Variants in GALNT7 observed in about 807,000 individuals in gnomAD.
GALNT7 encodes the protein N-acetylgalactosaminyltransferase 7.
Under a neutral mutation model 82.1 loss-of-function variants are expected in GALNT7, and 60 were observed. The ratio of observed to expected loss-of-function variants is 0.73; its 90% CI spans 0.59 to 0.91. The LOEUF is 0.91. Ranked by LOEUF, GALNT7 falls within the 40% of genes least tolerant of loss-of-function variation. The probability of loss-of-function intolerance (pLI) is 0.00; values close to 1 mark genes in which losing one functional copy is unlikely to be tolerated. For missense variants in GALNT7, 660 were observed against 804.2 expected (o/e 0.82, Z 2.17); for synonymous variants, 243 against 275.1 (o/e 0.88, Z 1.15).
chr4:173,317,807 T>A, intron 10 of GALNT7, 75 bp downstream of exon 10: 1 of 912,688 alleles, frequency 1.1e-6, no homozygotes, highest in Non-Finnish European at 1.8e-6. Context: ...AGAGTGATCT[T>A]TGTACTTTGG....
chr4:173,302,001 T>G lies in GALNT7; in HGVS notation c.1149-46T>G. On this transcript the variant is annotated intron_variant, in intron 6 of 11. Transcript: ENST00000265000. This position sits in a 1 kb window ranked among gnomAD's most constrained non-coding sequence, Gnocchi z 4.2. ...CTTCTTGCCTATTGGTGAAGGGTTA[T>G]TGGGGGTTTGTCTGTAATGGTTATT... is the stretch of plus-strand genomic sequence containing the variant. The G allele has an allele frequency of 3.4e-6, 3 of 876,426 alleles. No individual in the cohort carries two copies. The highest frequency in any genetic ancestry group is 1.7e-5 in the African/African-American group (1 of 60,190). The allele number at this position is 876,426 out of a possible 1,614,324, so 54.3% of individuals were successfully genotyped here.
At chr4:173,314,590 A>T (rs1737524554) in intron 9 of GALNT7, among the ~76,000 whole-genome samples, 2 of 152,210 alleles carry the variant, frequency 1.3e-5, no homozygotes, top group Non-Finnish European at 2.9e-5. Flanking sequence ...ACAACACCCA[A>T]AATCACCTAT....
chr4:173,260,259 A>T (rs1426047672), intron 2 of GALNT7, among the ~76,000 whole-genome samples: 1 of 152,214 alleles, frequency 6.6e-6, no homozygotes, highest in Non-Finnish European at 1.5e-5. Flanking sequence ...AAGGAAAAAA[A>T]TTTAAGCTTT....
intron 1 of GALNT7, among the ~76,000 whole-genome samples, chr4:173,180,831 A>G (rs972423708): frequency 6.6e-6 from 1 of 152,140 alleles, no homozygotes; most frequent in African/African-American, 2.4e-5. Flanking sequence ...TGCAATTTTT[A>G]TTAGACAATT....
rs1245773524 is a variant in GALNT7, at chr4:173,322,606, A to G, written c.*889A>G. 6.6e-6 allele frequency: 1 copy of G among 152,200 alleles called. No individual in the cohort carries two copies. Among genetic ancestry groups the G allele is most frequent in the Non-Finnish European group, 1.5e-5 (1 of 68,034 alleles). The allele number at this position is 152,200 out of a possible 1,614,324, so 9.4% of individuals were successfully genotyped here. A position where few individuals can be genotyped will look rare whatever the true frequency, so the allele number is the denominator to read the frequency against. On this transcript the variant is annotated 3_prime_UTR_variant, in exon 12 of 12. Transcript: ENST00000265000. Reference sequence around the variant, plus strand: ...ATTTACTTTTCTCCAATACCTGCCAATACAGAAAACTATTATCAGTTGTTA... The same window carrying G: ...ATTTACTTTTCTCCAATACCTGCCAGTACAGAAAACTATTATCAGTTGTTA...
At chr4:173,219,493 T>C (rs1733574762) in intron 1 of GALNT7, among the ~76,000 whole-genome samples, 1 of 152,230 alleles carries the variant, frequency 6.6e-6, no homozygotes, top group Non-Finnish European at 1.5e-5. Context: ...CTTCTTTTCC[T>C]CTGGGTACAT....
intron 2 of GALNT7, among the ~76,000 whole-genome samples, chr4:173,286,646 C>CT (rs1431254837): frequency 6.6e-6 from 1 of 152,176 alleles, no homozygotes; most frequent in Non-Finnish European, 1.5e-5. Context: ...GGGGTTGATG[C>CT]TTTAAGTAAG....
chr4:173,312,592 A>G (rs1737426976), intron 8 of GALNT7, among the ~76,000 whole-genome samples: 1 of 152,224 alleles, frequency 6.6e-6, no homozygotes, highest in Non-Finnish European at 1.5e-5. Context: ...ACATTTCAAC[A>G]TGAATGTTGG....
At chr4:173,318,766 T>C (rs1737697073) in intron 11 of GALNT7, 1 of 422,896 alleles carries the variant, frequency 2.4e-6, no homozygotes, top group Non-Finnish European at 4.2e-6. Context: ...TCTTACAATA[T>C]TGTCATGTAA....
chr4:173,256,276 C>T (rs1579960021), intron 2 of GALNT7, among the ~76,000 whole-genome samples: 1 of 152,242 alleles, frequency 6.6e-6, no homozygotes, highest in African/African-American at 2.4e-5. Flanking sequence ...ATGAAGAAGG[C>T]CATCCTTGGA....
chr4:173,215,700 A>G (rs1733423366), intron 1 of GALNT7, among the ~76,000 whole-genome samples: 2 of 152,216 alleles, frequency 1.3e-5, no homozygotes, highest in Admixed American at 1.3e-4. Flanking sequence ...CATTCTGACA[A>G]TAGAACCATA....
intron 1 of GALNT7, among the ~76,000 whole-genome samples, chr4:173,221,949 G>T (rs1733657291): frequency 6.6e-6 from 1 of 152,144 alleles, no homozygotes; most frequent in Admixed American, 6.5e-5. Context: ...AGAAACCTTA[G>T]TAACAAAGTG....
intron 1 of GALNT7, among the ~76,000 whole-genome samples, chr4:173,245,038 G>A (rs1405969332): frequency 6.6e-6 from 1 of 152,076 alleles, no homozygotes; most frequent in Non-Finnish European, 1.5e-5. Flanking sequence ...GTAAGGTTTT[G>A]AGTTCAGAAA....
intron 1 of GALNT7, among the ~76,000 whole-genome samples, chr4:173,212,388 C>T (rs765675156): frequency 9.2e-5 from 14 of 152,096 alleles, no homozygotes; most frequent in Non-Finnish European, 1.5e-4. Flanking sequence ...CAAATAACTA[C>T]TAGAATTTTT....
rs181846595 is a variant in GALNT7 at position 173,303,388 on chromosome 4, T to C, written c.1267-608T>C. ...CAGCAAGGAGCAAACTTTGGCAGAA[T>C]CAAGCAACATGAATAAGGAAGACAT... is the stretch of plus-strand genomic sequence containing the variant. On this transcript the variant is annotated intron_variant, in intron 7 of 11. Coordinates refer to ENST00000265000, the MANE Select transcript of GALNT7 (RefSeq NM_017423.3). 1.3e-3 allele frequency among the ~76,000 whole-genome samples: 199 copies of C among 152,154 alleles called. 3 individuals carry two copies. Among genetic ancestry groups the C allele is most frequent in the Admixed American group, 0.013 (195 of 15,254 alleles).
At chr4:173,173,595 A>G (rs1041589621) in intron 1 of GALNT7, among the ~76,000 whole-genome samples, 3 of 152,104 alleles carry the variant, frequency 2.0e-5, no homozygotes, top group Non-Finnish European at 4.4e-5. Flanking sequence ...ATCATTAGGT[A>G]TTAGATTCTC....
In GALNT7 at chr4:173,308,534, A is replaced by G. The variant is rs376230437; in HGVS notation, c.1389+4416A>G. On this transcript the variant is annotated intron_variant, in intron 8 of 11. Coordinates refer to ENST00000265000, the MANE Select transcript of GALNT7 (RefSeq NM_017423.3). ...AAAGATTAATATCTCTTGTCCCTCA[A>G]AGATTGAAAAGTTAATGTGAATATC... is the stretch of plus-strand genomic sequence containing the variant. 3.2e-4 allele frequency among the ~76,000 whole-genome samples: 49 copies of G among 152,276 alleles called. No homozygotes were observed. In the East Asian group the frequency reaches 7.5e-3, roughly 23 times the overall value.
intron 2 of GALNT7, among the ~76,000 whole-genome samples, chr4:173,278,652 G>A (rs1735999865): frequency 6.6e-6 from 1 of 152,204 alleles, no homozygotes; most frequent in African/African-American, 2.4e-5. Flanking sequence ...GTAATTTGGG[G>A]AGAAAAATTT....
At chr4:173,291,079 G>C (rs983572646) in intron 2 of GALNT7, among the ~76,000 whole-genome samples, 2 of 152,128 alleles carry the variant, frequency 1.3e-5, no homozygotes, top group African/African-American at 4.8e-5. Flanking sequence ...TGCCTTAGAA[G>C]CAAGTCCCAA....
Sources: gnomAD v4.1 joint callset for allele counts (sites outside exome capture counted in the v4.1 genomes callset) on GRCh38, gnomAD v4.1.1 for gene constraint, Gnocchi (gnomAD v3.1) non-coding constraint, MANE v1.5 for transcripts, NCBI Gene and HGNC (gene_info 2026-07-23, HGNC 2026-07-21) for gene names.